The following TBATA variants were observed in gnomAD, a reference collection of about 807,000 sequenced individuals.
TBATA encodes the protein protein TBATA.
TBATA carries 47 observed loss-of-function variants against 38.7 expected under a neutral mutation model. The ratio of observed to expected loss-of-function variants is 1.21; its 90% confidence interval spans 0.96 to 1.55. The LOEUF is 1.55. Among genes scored for constraint, TBATA ranks in the 40% most tolerant of loss-of-function variants. The probability of loss-of-function intolerance (pLI) is 0.00; values close to 1 mark genes in which losing one functional copy is unlikely to be tolerated. For synonymous variants in TBATA, 183 were observed against 170.5 expected, an observed-to-expected ratio of 1.07 and a Z score of -0.57; for missense variants, 436 against 435.6, an observed-to-expected ratio of 1.00 and a Z score of -0.01.
chr10:70,778,737 C>A (rs770131149), intron 5 of TBATA, 101 bp from the exon 6 acceptor site: 1 of 1,030,524 alleles, frequency 9.7e-7, no homozygotes, highest in African/African-American at 1.6e-5. Flanking sequence ...CCTTCCTGGC[C>A]TCCCTGCCTG....
chr10:70,777,892 C>G lies in TBATA; in HGVS notation c.508-554G>C, dbSNP rs1271951129. ...ATTTTAAAGATAAGAAAACAGAGACCCAGACAGCTTAGCTGAGTTGTCCTG... is the reference window on the plus strand; with the variant it reads ...ATTTTAAAGATAAGAAAACAGAGACGCAGACAGCTTAGCTGAGTTGTCCTG... On this transcript the variant is annotated intron_variant, in intron 6 of 10. Coordinates refer to ENST00000456372, the MANE Select transcript of TBATA (RefSeq NM_001318241.2). The G allele has an allele frequency of 7.1e-6, 3 of 421,304 alleles. No individual in the cohort carries two copies. In the East Asian group the frequency reaches 2.2e-4, roughly 31 times the overall value. The allele number at this position is 421,304 out of a possible 1,614,324, so 26.1% of individuals were successfully genotyped here.
intron 3 of TBATA, chr10:70,782,704 C>T (rs1723042425): frequency 4.3e-6 from 4 of 925,580 alleles, no homozygotes; most frequent in Non-Finnish European, 3.9e-6. Context: ...CTCTCCTCTA[C>T]CCCACACCCC....
At chr10:70,776,443 C>G (rs186203476) in intron 7 of TBATA, 3 of 455,632 alleles carry the variant, frequency 6.6e-6, no homozygotes, top group African/African-American at 6.0e-5. Flanking sequence ...GGGGACCTGG[C>G]CCATGGACTA....
intron 2 of TBATA, among the ~76,000 whole-genome samples, chr10:70,783,970 T>C (rs1425116607): frequency 1.3e-5 from 2 of 152,238 alleles, no homozygotes; most frequent in Non-Finnish European, 2.9e-5. Flanking sequence ...TCATCCACTA[T>C]ATATAATGTG....
At chr10:70,781,755 A>G (rs1392133164) in intron 4 of TBATA, 46 bp downstream of exon 4, 7 of 1,547,154 alleles carry the variant, frequency 4.5e-6, no homozygotes, top group Non-Finnish European at 6.2e-6. Context: ...CTCAAGACCA[A>G]TTAGTGATAC....
chr10:70,783,318 G>A, intron 3 of TBATA, 21 bp downstream of exon 3: 1 of 1,614,068 alleles, frequency 6.2e-7, no homozygotes, highest in Non-Finnish European at 8.5e-7. Context: ...CAGTCAGCAG[G>A]GTGGGCATTT....
chr10:70,775,007 G>T (rs1283072884), intron 8 of TBATA, among the ~76,000 whole-genome samples, 182 bp downstream of exon 8: 1 of 152,214 alleles, frequency 6.6e-6, no homozygotes, highest in Non-Finnish European at 1.5e-5. Flanking sequence ...TGGGGAGGAG[G>T]AAGCAGAGAT....
At chr10:70,783,190 G>T in intron 3 of TBATA, 149 bp downstream of exon 3, 1 of 862,066 alleles carries the variant, frequency 1.2e-6, no homozygotes. Context: ...GACCCATTGG[G>T]GGGTCTGGCT....
intron 2 of TBATA, 80 bp from the exon 3 acceptor site, chr10:70,783,605 T>G: frequency 2.0e-6 from 1 of 500,148 alleles, no homozygotes; most frequent in South Asian, 2.2e-5. Context: ...TTCCCAGATA[T>G]AAGAGAAATT....
At chr10:70,776,982 C>A (rs1164285028) in intron 7 of TBATA, among the ~76,000 whole-genome samples, 171 bp downstream of exon 7, 1 of 152,088 alleles carries the variant, frequency 6.6e-6, no homozygotes, top group Non-Finnish European at 1.5e-5. Flanking sequence ...CACATGGAAA[C>A]CTAGAGGCAG....
At chr10:70,774,395 A>C in intron 8 of TBATA, 38 bp from the exon 9 acceptor site, 1 of 1,543,852 alleles carries the variant, frequency 6.5e-7, no homozygotes, top group Non-Finnish European at 8.8e-7. Context: ...CTCAGCCCCC[A>C]GCCCCCTTCC....
At position 70,777,249 on chromosome 10, in the gene TBATA, A is replaced by G. The variant is rs751962505; in HGVS notation, c.597T>C (p.Ala199=). 2 of 1,613,694 alleles carry G rather than the reference A, an allele frequency of 1.2e-6. No individual in the cohort carries two copies. Among genetic ancestry groups the G allele is most frequent in the Admixed American group, 3.3e-5 (2 of 60,022 alleles). ...CCTGGTGAGATCTGCGGCGGCCGACAGCCCGGGTGGAAGCGGGGATGAGCC... is the reference window on the plus strand; with the variant it reads ...CCTGGTGAGATCTGCGGCGGCCGACGGCCCGGGTGGAAGCGGGGATGAGCC... The part of the protein sequence containing the change: ...TGRLIPASTR[A]VGRRRSHQGQ... Residue 199 remains alanine (A), a synonymous_variant, in exon 7 of 11, where the codon GCT becomes GCC. Transcript: ENST00000456372.
intron 4 of TBATA, among the ~76,000 whole-genome samples, chr10:70,780,911 T>C (rs1450422093): frequency 6.6e-6 from 1 of 152,228 alleles, no homozygotes; most frequent in African/African-American, 2.4e-5. Context: ...TTCTAGCCCC[T>C]GGTCCAAGCC....
intron 10 of TBATA, 57 bp from the exon 11 acceptor site, chr10:70,771,518 G>A (rs548760366): frequency 1.3e-6 from 2 of 1,525,052 alleles, no homozygotes; most frequent in East Asian, 4.5e-5. Flanking sequence ...GCCCCCACCT[G>A]GGAGCTGCAG....
Position 70,771,359 on chromosome 10 carries a change from G to GC in TBATA, c.*16dup. On this transcript the variant is annotated 3_prime_UTR_variant, in exon 11 of 11. Transcript: ENST00000456372. ...GGGGCTGCTCTTGAGCAAGGCAGGT[G>GC]CAAGTGTTAGGGCCCCTCAGCTCTC... The GC allele has an allele frequency of 6.2e-7, 1 of 1,614,166 alleles. No individual in the cohort carries two copies. The highest frequency in any genetic ancestry group is 8.5e-7 in the Non-Finnish European group (1 of 1,179,992).
intron 2 of TBATA, among the ~76,000 whole-genome samples, chr10:70,784,033 T>G (rs1844587543): frequency 6.6e-6 from 1 of 152,252 alleles, no homozygotes; most frequent in South Asian, 2.1e-4. Flanking sequence ...AAAAACATAT[T>G]ATTTTTCTTT....
At chr10:70,774,032 G>T in intron 9 of TBATA, 181 bp downstream of exon 9, 2 of 373,170 alleles carry the variant, frequency 5.4e-6, no homozygotes, top group Non-Finnish European at 7.4e-6. Context: ...TGGCTGTGTT[G>T]GCCTTGAAGT....
chr10:70,777,146 C>T lies in TBATA; in HGVS notation c.693+7G>A. On this transcript the variant is annotated splice_region_variant and intron_variant, in intron 7 of 10. Transcript: ENST00000456372. ...CCAGGAGCCTGGGAGCAGAACTGGGCCCTCACCAGCAGCTCCTGATCCTGA... is the reference window on the plus strand; with the variant it reads ...CCAGGAGCCTGGGAGCAGAACTGGGTCCTCACCAGCAGCTCCTGATCCTGA... The T allele has an allele frequency of 6.2e-7, 1 of 1,611,334 alleles. No individual in the cohort carries two copies.
At chr10:70,775,976 G>A (rs1398115528) in intron 7 of TBATA, among the ~76,000 whole-genome samples, 2 of 152,232 alleles carry the variant, frequency 1.3e-5, no homozygotes, top group Non-Finnish European at 2.9e-5. Flanking sequence ...ATCAGGAAAA[G>A]ATCCAGCTGT....
Sources: gnomAD v4.1 joint callset for allele counts (sites outside exome capture counted in the v4.1 genomes callset) on GRCh38, gnomAD v4.1.1 for gene constraint, MANE v1.5 for transcripts, NCBI Gene and HGNC (gene_info 2026-07-23, HGNC 2026-07-21) for gene names.